PARP15: variants seen among roughly 807,000 people sequenced by gnomAD.
PARP15 encodes poly(ADP-ribose) polymerase family member 15.
PARP15 carries 50 observed loss-of-function variants against 62.1 expected under a neutral mutation model. The observed-to-expected ratio is 0.81, with a 90% CI of 0.64 to 1.02. The LOEUF (loss-of-function observed/expected upper bound fraction) is 1.02. PARP15 is among the 50% of genes least tolerant of loss of function. The pLI is 0.00. For synonymous variants in PARP15, 309 were observed against 293.1 expected (o/e 1.05, Z -0.55); for missense variants, 820 against 826.5 (o/e 0.99, Z 0.10).
chr3:122,580,619 T>G lies in PARP15; in HGVS notation c.186+2766T>G, dbSNP rs115099527. 8.6e-3 allele frequency among the ~76,000 whole-genome samples: 1,311 copies of G among 152,358 alleles called. 17 individuals are homozygous for G. Among genetic ancestry groups the G allele is most frequent in the African/African-American group, 0.03 (1,238 of 41,584 alleles). On this transcript the variant is annotated intron_variant, in intron 1 of 11. Transcript: ENST00000464300. ...CTGAAACAGTATGTGTTTGTCTTTT[T>G]GGGACTGACATTTCACTTAGCATAA...
In PARP15 at chr3:122,577,659, G is replaced by A; in HGVS notation, c.-9G>A. 2 of 1,551,570 alleles carry A rather than the reference G, an allele frequency of 1.3e-6. No homozygotes were observed. The highest frequency in any genetic ancestry group is 8.7e-7 in the Non-Finnish European group (1 of 1,146,948). On this transcript the variant is annotated 5_prime_UTR_variant, in exon 1 of 12. Transcript: ENST00000464300. Reference sequence around the variant, plus strand: ...GGTGGGGCGCAACTGCAGTCCCAGCGAGCTGAGGATGGCTGCGCCAGGCCC... The same window carrying A: ...GGTGGGGCGCAACTGCAGTCCCAGCAAGCTGAGGATGGCTGCGCCAGGCCC...
chr3:122,577,707 C>G lies in PARP15; in HGVS notation c.40C>G (p.Pro14Ala). ...CCCCCTTCCTGCCGCTGCTCTGAGT[C>G]CAGGGGCTCCGACCCCCAGAGAACT... ...PGPLPAAALS[P>A]GAPTPRELMH... Residue 14 changes from proline to alanine, a missense_variant, in exon 1 of 12, where the codon CCA becomes GCA. Physicochemically the swap from Pro to Ala is conservative, Grantham distance 27. This residue lies in a region of PARP15 where 731 missense variants were observed against 727.7 expected (regional missense o/e 1.00). Coordinates refer to ENST00000464300, the MANE Select transcript of PARP15 (RefSeq NM_001113523.3). 6.4e-7 allele frequency: 1 copy of G among 1,551,698 alleles called. No homozygotes were observed. The highest frequency in any genetic ancestry group is 8.7e-7 in the Non-Finnish European group (1 of 1,146,980).
chr3:122,607,278 C>T (rs1935219721), intron 2 of PARP15, among the ~76,000 whole-genome samples: 1 of 152,114 alleles, frequency 6.6e-6, no homozygotes, highest in Non-Finnish European at 1.5e-5. Context: ...TATAAAAGGA[C>T]AGTAAATTTA....
rs1007461060 is a variant in PARP15 at position 122,638,028 on chromosome 3, C to A, written c.*1928C>A. On this transcript the variant is annotated 3_prime_UTR_variant, in exon 12 of 12. Coordinates refer to ENST00000464300, the MANE Select transcript of PARP15 (RefSeq NM_001113523.3). ...TGTGTTCTCATTGTTCAATTCCCACCTGTGAGTGAGAACATGTGGTGTTTG... is the reference window on the plus strand; with the variant it reads ...TGTGTTCTCATTGTTCAATTCCCACATGTGAGTGAGAACATGTGGTGTTTG... 1 of 152,140 alleles carries A rather than the reference C, an allele frequency of 6.6e-6. No homozygotes were observed. The highest frequency in any genetic ancestry group is 1.5e-5 in the Non-Finnish European group (1 of 68,024). The allele number at this position is 152,140 out of a possible 1,614,324, so 9.4% of individuals were successfully genotyped here.
At position 122,637,836 on chromosome 3, in the gene PARP15, A is replaced by C. The variant is rs1937448441; in HGVS notation, c.*1736A>C. On this transcript the variant is annotated 3_prime_UTR_variant, in exon 12 of 12. Transcript: ENST00000464300. ...TATTATACTTTAAGTTTTAGGGTACATGTGCACAATGTGCAGTTTAGTTAC... is the reference window on the plus strand; with the variant it reads ...TATTATACTTTAAGTTTTAGGGTACCTGTGCACAATGTGCAGTTTAGTTAC... The C allele has an allele frequency of 6.6e-6, 1 of 152,086 alleles. No homozygotes were observed. Among genetic ancestry groups the C allele is most frequent in the African/African-American group, 2.4e-5 (1 of 41,402 alleles). The allele number at this position is 152,086 out of a possible 1,614,324, so 9.4% of individuals were successfully genotyped here. A position where few individuals can be genotyped will look rare whatever the true frequency, so the allele number is the denominator to read the frequency against.
At chr3:122,585,864 C>T (rs1933383849) in intron 1 of PARP15, among the ~76,000 whole-genome samples, 2 of 152,126 alleles carry the variant, frequency 1.3e-5, no homozygotes, top group African/African-American at 2.4e-5. Context: ...ATTTATGAAC[C>T]GACATTTCTT....
At chr3:122,612,631 G>A (rs185687672) in intron 3 of PARP15, among the ~76,000 whole-genome samples, 2 of 152,030 alleles carry the variant, frequency 1.3e-5, no homozygotes, top group Admixed American at 6.5e-5. Flanking sequence ...TAGTAGAGAC[G>A]GGGTTTCACT....
At chr3:122,632,723 C>T (rs532757144) in intron 10 of PARP15, among the ~76,000 whole-genome samples, 19 of 152,308 alleles carry the variant, frequency 1.2e-4, no homozygotes, top group South Asian at 8.3e-4. Context: ...AGTTACTGGA[C>T]GAGAATCCCA....
rs373482168 is a variant in PARP15, at chr3:122,631,290, T to A, written c.1439-796T>A. On this transcript the variant is annotated intron_variant, in intron 9 of 11. Transcript: ENST00000464300. ...AAAGAGCTTACTGATTAGGGTTAGA[T>A]GCCTCCCTGTGTCACGAGAACTTAC... is the stretch of plus-strand genomic sequence containing the variant. Among the ~76,000 whole-genome samples, 20 of 152,350 alleles carry A rather than the reference T, an allele frequency of 1.3e-4. No individual in the cohort carries two copies. In the South Asian group the frequency reaches 2.9e-3, roughly 22 times the overall value.
At chr3:122,601,956 A>G (rs1934830277) in intron 1 of PARP15, among the ~76,000 whole-genome samples, 1 of 151,754 alleles carries the variant, frequency 6.6e-6, no homozygotes, top group Non-Finnish European at 1.5e-5. Context: ...TTCTTTCTTA[A>G]ACAGGACTAT....
chr3:122,608,636 T>TAA (rs1182362096), intron 2 of PARP15, among the ~76,000 whole-genome samples: 1 of 152,186 alleles, frequency 6.6e-6, no homozygotes, highest in East Asian at 1.9e-4. Flanking sequence ...TTATCCCCTT[T>TAA]AAAAAGCCTT....
At chr3:122,633,664 A>C (rs373323679) in intron 10 of PARP15, among the ~76,000 whole-genome samples, 1 of 152,202 alleles carries the variant, frequency 6.6e-6, no homozygotes, top group African/African-American at 2.4e-5. Context: ...GATTGTGTAG[A>C]TTATATATTA....
At chr3:122,603,023 G>T (rs1370693636) in intron 1 of PARP15, among the ~76,000 whole-genome samples, 3 of 151,914 alleles carry the variant, frequency 2.0e-5, no homozygotes, top group Non-Finnish European at 2.9e-5. Context: ...TCTGAATGAT[G>T]ACTACCCTTT....
chr3:122,621,750 G>T, intron 8 of PARP15, 139 bp downstream of exon 8: 1 of 732,286 alleles, frequency 1.4e-6, no homozygotes, highest in Admixed American at 3.5e-5. Context: ...CCATCTTTTA[G>T]ATCTGGAGGG....
chr3:122,582,271 A>T (rs1202033117), intron 1 of PARP15, among the ~76,000 whole-genome samples: 1 of 152,116 alleles, frequency 6.6e-6, no homozygotes, highest in Non-Finnish European at 1.5e-5. Flanking sequence ...TCCTGGGCTC[A>T]AGTGATCCTC....
chr3:122,634,097 TC>T (rs546320188), intron 10 of PARP15, among the ~76,000 whole-genome samples: 63 of 152,296 alleles, frequency 4.1e-4, no homozygotes, highest in African/African-American at 1.5e-3. Flanking sequence ...TGGCTTGGAT[TC>T]TCCTCAACAG....
At chr3:122,595,720 A>G (rs1366885566) in intron 1 of PARP15, among the ~76,000 whole-genome samples, 2 of 152,022 alleles carry the variant, frequency 1.3e-5, no homozygotes, top group Admixed American at 6.6e-5. Flanking sequence ...TTTTGTAGAG[A>G]CAGGGTTTTG....
chr3:122,629,902 C>T (rs1053189895), intron 9 of PARP15, among the ~76,000 whole-genome samples: 1 of 152,116 alleles, frequency 6.6e-6, no homozygotes, highest in African/African-American at 2.4e-5. Context: ...AGACAGAGCT[C>T]AGGTGGTAAT....
chr3:122,622,683 G>C (rs1357987238), intron 8 of PARP15, among the ~76,000 whole-genome samples: 1 of 152,126 alleles, frequency 6.6e-6, no homozygotes, highest in Non-Finnish European at 1.5e-5. Context: ...AACAAACTCA[G>C]GTTTGTCCTG....
Sources: allele counts gnomAD v4.1 joint callset (sites outside exome capture counted in the v4.1 genomes callset), GRCh38; gene constraint gnomAD v4.1.1; regional missense constraint gnomAD v4.1.1; transcripts MANE v1.5; gene names NCBI Gene and HGNC (gene_info 2026-07-23, HGNC 2026-07-21).